TSHZ3: variants seen among roughly 807,000 people sequenced by gnomAD.
The protein encoded by TSHZ3 is teashirt homolog 3.
TSHZ3 carries 10 observed loss-of-function variants against 64.5 expected under a neutral mutation model. The ratio of observed to expected loss-of-function variants is 0.16; its 90% CI spans 0.10 to 0.26. The LOEUF (loss-of-function observed/expected upper bound fraction) is 0.26, where lower values mean the gene tolerates loss of function less well. Ranked by LOEUF, TSHZ3 falls within the 10% of genes least tolerant of loss-of-function variation. The pLI, the probability that TSHZ3 is intolerant of heterozygous loss-of-function variation, is 1.00. For missense variants in TSHZ3, 1,242 were observed against 1,421.7 expected (o/e 0.87, Z 2.03); for synonymous variants, 608 against 593.1 (o/e 1.03, Z -0.36).
chr19:31,241,445 C>T (rs544632026), intron 3 of TSHZ3, among the ~76,000 whole-genome samples: 1 of 152,282 alleles, frequency 6.6e-6, no homozygotes, highest in African/African-American at 2.4e-5. Flanking sequence ...AAGCATCCAG[C>T]CCCACCACAC....
intron 1 of TSHZ3, among the ~76,000 whole-genome samples, chr19:31,304,677 G>A (rs1976810196): frequency 6.6e-6 from 1 of 152,140 alleles, no homozygotes. Flanking sequence ...AGAGGGAAAA[G>A]TGTCTGAGGG....
Position 31,160,105 on chromosome 19 carries a change from A to G in TSHZ3, n.810-3688T>C, listed in dbSNP as rs542964398. Among the ~76,000 whole-genome samples the G allele has an allele frequency of 1.9e-4, 29 of 152,316 alleles. No individual in the cohort carries two copies. The South Asian group carries it at 4.6e-3, about 24-fold the overall frequency. ...GGGCCAGGCCTTGTGTTTAAATATC[A>G]GTTGGTTTCATCTTTATATTAACCC... On this transcript the variant is annotated intron_variant and non_coding_transcript_variant, in intron 5 of 6. Transcript: ENST00000651361.
rs2021629523 is a variant in TSHZ3, at chr19:31,349,387, C to G, written c.-168G>C. ...CTGCTGCGCCCAGGCTCTCCGCGTC[C>G]CCCCCGCGCCGCGCTCCGCCGCGAA... On this transcript the variant is annotated 5_prime_UTR_variant, in exon 1 of 2. Coordinates refer to ENST00000240587, the MANE Select transcript of TSHZ3 (RefSeq NM_020856.4). The G allele has an allele frequency of 2.0e-6, 1 of 491,178 alleles. No homozygotes were observed. 30.4% of individuals were successfully genotyped at this position (491,178 alleles called of 1,614,324 possible). A position where few individuals can be genotyped will look rare whatever the true frequency, so the allele number is the denominator to read the frequency against.
intron 1 of TSHZ3, among the ~76,000 whole-genome samples, chr19:31,258,169 A>G (rs1975937097): frequency 6.6e-6 from 1 of 152,160 alleles, no homozygotes; most frequent in African/African-American, 2.4e-5. Context: ...TTACAACACA[A>G]TTGCCAATCC....
At chr19:31,235,098 T>C (rs1975587918) in intron 3 of TSHZ3, among the ~76,000 whole-genome samples, 1 of 152,202 alleles carries the variant, frequency 6.6e-6, no homozygotes, top group South Asian at 2.1e-4. Flanking sequence ...AAGTATACAA[T>C]GTGATGTTTT....
chr19:31,249,854 A>G (rs1210913285), intron 1 of TSHZ3, among the ~76,000 whole-genome samples: 1 of 152,232 alleles, frequency 6.6e-6, no homozygotes, highest in Non-Finnish European at 1.5e-5. Flanking sequence ...CATCATGGAG[A>G]TAACAGATAA....
At chr19:31,162,171 G>T (rs983222110) in intron 5 of TSHZ3, among the ~76,000 whole-genome samples, 4 of 152,232 alleles carry the variant, frequency 2.6e-5, no homozygotes, top group Middle Eastern at 6.8e-3. Context: ...TTCCTTGCGT[G>T]TCCTATTGAT....
intron 1 of TSHZ3, among the ~76,000 whole-genome samples, chr19:31,298,784 A>G (rs77331680): frequency 0.071 from 9,890 of 139,862 alleles, 420 homozygotes; most frequent in Non-Finnish European, 0.11. Flanking sequence ...TGGAATTGGG[A>G]AAAAAAAGCA....
chr19:31,207,928 C>A (rs1975207127), intron 4 of TSHZ3, among the ~76,000 whole-genome samples: 2 of 152,162 alleles, frequency 1.3e-5, no homozygotes, highest in Admixed American at 6.5e-5. Context: ...TGATGCCAAG[C>A]CATGGAATGG....
At chr19:31,184,936 A>AT (rs1440055654) in intron 5 of TSHZ3, among the ~76,000 whole-genome samples, 1 of 152,104 alleles carries the variant, frequency 6.6e-6, no homozygotes, top group African/African-American at 2.4e-5. Context: ...CTGCCTCTTT[A>AT]TTTTTCCCCC....
chr19:31,172,234 G>A (rs1974545900), intron 5 of TSHZ3, among the ~76,000 whole-genome samples: 1 of 152,200 alleles, frequency 6.6e-6, no homozygotes, highest in East Asian at 1.9e-4. Context: ...TCAACTTAGT[G>A]ACAACCAGCA....
At chr19:31,314,448 A>G (rs1916549801) in intron 1 of TSHZ3, among the ~76,000 whole-genome samples, 1 of 152,164 alleles carries the variant, frequency 6.6e-6, no homozygotes, top group Non-Finnish European at 1.5e-5. Flanking sequence ...AGTCCATCCC[A>G]GCTATCTGGC....
chr19:31,237,941 C>T (rs1975640940), intron 3 of TSHZ3, among the ~76,000 whole-genome samples: 1 of 152,058 alleles, frequency 6.6e-6, no homozygotes, highest in Non-Finnish European at 1.5e-5. Flanking sequence ...TAATTTAACG[C>T]CATGTGGTCA....
chr19:31,290,683 A>G (rs1266220859), intron 1 of TSHZ3, among the ~76,000 whole-genome samples: 1 of 152,008 alleles, frequency 6.6e-6, no homozygotes, highest in African/African-American at 2.4e-5. Context: ...GCATTCTTGG[A>G]TGGTACCAGG....
At chr19:31,253,819 T>C (rs187595404) in intron 1 of TSHZ3, among the ~76,000 whole-genome samples, 111 of 152,292 alleles carry the variant, frequency 7.3e-4, no homozygotes, top group Admixed American at 1.4e-3. Context: ...CCACTGTCCC[T>C]TCAGCAAAGG....
chr19:31,230,464 A>G (rs1975524507), intron 3 of TSHZ3, among the ~76,000 whole-genome samples: 1 of 152,168 alleles, frequency 6.6e-6, no homozygotes, highest in African/African-American at 2.4e-5. Context: ...TTTTTGTAAC[A>G]AGATTCTTAA....
At chr19:31,242,309 C>T (rs960138150) in exon 3 of TSHZ3, among the ~76,000 whole-genome samples, 3 of 152,182 alleles carry the variant, frequency 2.0e-5, no homozygotes, top group African/African-American at 7.2e-5. Flanking sequence ...AGGCCATATG[C>T]AAGCTGGAGA....
chr19:31,319,366 A>G (rs1200138277), intron 1 of TSHZ3, among the ~76,000 whole-genome samples: 1 of 152,234 alleles, frequency 6.6e-6, no homozygotes, highest in Non-Finnish European at 1.5e-5. Flanking sequence ...TCCAATAAAC[A>G]TTGTAAAGGT....
At chr19:31,242,700 G>A (rs1023061746) in intron 2 of TSHZ3, among the ~76,000 whole-genome samples, 5 of 151,700 alleles carry the variant, frequency 3.3e-5, no homozygotes, top group Non-Finnish European at 5.9e-5. Context: ...TGAGGTCTAG[G>A]AGAGATAATC....
Sources: gnomAD v4.1 joint callset for allele counts (sites outside exome capture counted in the v4.1 genomes callset) on GRCh38, gnomAD v4.1.1 for gene constraint, MANE v1.5 for transcripts, NCBI Gene and HGNC (gene_info 2026-07-23, HGNC 2026-07-21) for gene names.